The following RLN2 variants were observed in gnomAD, a reference collection of about 807,000 sequenced individuals.
RLN2 encodes prorelaxin H2.
RLN2 carries 10 observed loss-of-function variants against 7.3 expected under a neutral mutation model. That is an observed-to-expected ratio of 1.36 (90% CI 0.84 to 2.31). The LOEUF is 2.31. RLN2 is among the 30% of genes most tolerant of loss of function. RLN2 has a pLI of 0.00. For synonymous variants in RLN2, 103 were observed against 82.3 expected, an observed-to-expected ratio of 1.25 and a Z score of -1.36; for missense variants, 298 against 217.6, an observed-to-expected ratio of 1.37 and a Z score of -2.32.
chr9:5,310,085 T>C, the RLN2 span, among the ~76,000 whole-genome samples: 1 of 151,974 alleles, frequency 6.6e-6, no homozygotes, highest in South Asian at 2.1e-4. Context: ...GGATTGTGGA[T>C]GGGAGAGCAG....
Position 5,300,464 on chromosome 9 carries a change from A to C in RLN2, c.212-20T>G, listed in dbSNP as rs1470502254. On this transcript the variant is annotated intron_variant, in intron 1 of 1. Coordinates refer to ENST00000381627, the MANE Select transcript of RLN2 (RefSeq NM_134441.3). Reference sequence around the variant, plus strand: ...CAATTTCTGTTAAATTTAAAAAAAAAGGTGTATGTGAGGGTATATTCATGT... The same window carrying C: ...CAATTTCTGTTAAATTTAAAAAAAACGGTGTATGTGAGGGTATATTCATGT... The C allele has an allele frequency of 6.5e-7, 1 of 1,538,818 alleles. No homozygotes were observed. The highest frequency in any genetic ancestry group is 8.9e-7 in the Non-Finnish European group (1 of 1,125,916).
chr9:5,310,531 C>G, the RLN2 span, among the ~76,000 whole-genome samples: 1 of 151,988 alleles, frequency 6.6e-6, no homozygotes, highest in East Asian at 1.9e-4. Flanking sequence ...TCAGATCCCC[C>G]AATCGTGCAT....
the RLN2 span, among the ~76,000 whole-genome samples, chr9:5,321,655 A>G: frequency 6.6e-6 from 1 of 151,798 alleles, no homozygotes; most frequent in East Asian, 1.9e-4. Flanking sequence ...GAAAAAGAGG[A>G]AGAAAAAGGA....
upstream of RLN2, among the ~76,000 whole-genome samples, chr9:5,308,261 G>A (rs1314338067): frequency 6.6e-6 from 1 of 151,828 alleles, no homozygotes; most frequent in African/African-American, 2.4e-5. Flanking sequence ...GCAAACTGCT[G>A]GAAATACCTT....
At chr9:5,305,400 CACAGAGAG>C (rs770641304), upstream of RLN2, among the ~76,000 whole-genome samples, 43 of 124,214 alleles carry the variant, frequency 3.5e-4, no homozygotes, top group African/African-American at 1.3e-3. Flanking sequence ...CACACACACA[CACAGAGAG>C]AGAGAGAGAG....
At chr9:5,325,086 A>G in the RLN2 span, among the ~76,000 whole-genome samples, 1 of 152,010 alleles carries the variant, frequency 6.6e-6, no homozygotes, top group South Asian at 2.1e-4. Flanking sequence ...ATAATATAAC[A>G]TTTTTACTTT....
At chr9:5,330,435 G>C in the RLN2 span, among the ~76,000 whole-genome samples, 2 of 151,664 alleles carry the variant, frequency 1.3e-5, no homozygotes, top group African/African-American at 2.4e-5. Context: ...TCAGGAGATC[G>C]AGACCATCCT....
the RLN2 span, among the ~76,000 whole-genome samples, chr9:5,320,538 G>A: frequency 2.0e-5 from 3 of 147,158 alleles, no homozygotes; most frequent in African/African-American, 5.0e-5. Flanking sequence ...ACGCGGCTAC[G>A]TTTTGTGTTT....
chr9:5,302,850 A>T (rs1221319852), intron 1 of RLN2, among the ~76,000 whole-genome samples: 2 of 97,428 alleles, frequency 2.1e-5, no homozygotes, highest in African/African-American at 6.3e-5. Flanking sequence ...GTGAGTGAAA[A>T]TGCAAAAGAT....
the RLN2 span, among the ~76,000 whole-genome samples, chr9:5,332,512 C>T: frequency 1.3e-5 from 2 of 151,774 alleles, no homozygotes; most frequent in African/African-American, 4.8e-5. Flanking sequence ...CAATGTAACA[C>T]ATGGAAGGTG....
At chr9:5,306,371 G>A (rs549552352), upstream of RLN2, among the ~76,000 whole-genome samples, 1 of 152,046 alleles carries the variant, frequency 6.6e-6, no homozygotes, top group South Asian at 2.1e-4. Flanking sequence ...GCCTCCCAAA[G>A]TGTCCAGGGA....
At chr9:5,302,319 C>T (rs1257066376) in intron 1 of RLN2, among the ~76,000 whole-genome samples, 1 of 152,046 alleles carries the variant, frequency 6.6e-6, no homozygotes, top group Non-Finnish European at 1.5e-5. Context: ...CTAAAATAGG[C>T]CTCTTCTGGT....
chr9:5,315,660 T>A, the RLN2 span, among the ~76,000 whole-genome samples: 5 of 151,930 alleles, frequency 3.3e-5, no homozygotes, highest in Non-Finnish European at 7.4e-5. Flanking sequence ...AACTAAACTG[T>A]CAAAAGCCGA....
At position 5,300,088 on chromosome 9, in the gene RLN2, T is replaced by C; in HGVS notation, c.*10A>G. 6.5e-7 allele frequency: 1 copy of C among 1,546,794 alleles called. No homozygotes were observed. Among genetic ancestry groups the C allele is most frequent in the Non-Finnish European group, 8.8e-7 (1 of 1,133,816 alleles). ...GAATATTATACGAGATGTGCACAAT[T>C]AGCTTCATCTCAGCAAAATCTAGCA... On this transcript the variant is annotated 3_prime_UTR_variant, in exon 2 of 2. Transcript: ENST00000381627.
At chr9:5,305,234 A>G (rs1212742835), upstream of RLN2, among the ~76,000 whole-genome samples, 1 of 151,940 alleles carries the variant, frequency 6.6e-6, no homozygotes, top group Non-Finnish European at 1.5e-5. Context: ...TAATGTCTTT[A>G]ATTTACAAAA....
chr9:5,326,872 T>C, the RLN2 span, among the ~76,000 whole-genome samples: 15 of 151,696 alleles, frequency 9.9e-5, no homozygotes, highest in African/African-American at 2.2e-4. Flanking sequence ...CAAGAAAAAA[T>C]TGATAACAGA....
chr9:5,327,316 C>T, the RLN2 span, among the ~76,000 whole-genome samples: 2 of 152,002 alleles, frequency 1.3e-5, no homozygotes, highest in Admixed American at 6.6e-5. Context: ...TGAGATCGAC[C>T]GGCTACGCAG....
At position 5,300,085 on chromosome 9, in the gene RLN2, A is replaced by G. The variant is rs762352063; in HGVS notation, c.*13T>C. 2 of 1,532,314 alleles carry G rather than the reference A, an allele frequency of 1.3e-6. No homozygotes were observed. The highest frequency in any genetic ancestry group is 1.8e-6 in the Non-Finnish European group (2 of 1,121,206). The allele number at this position is 1,532,314 out of a possible 1,614,324, so 94.9% of individuals were successfully genotyped here. A position where few individuals can be genotyped will look rare whatever the true frequency, so the allele number is the denominator to read the frequency against. On this transcript the variant is annotated 3_prime_UTR_variant, in exon 2 of 2. Coordinates refer to ENST00000381627, the MANE Select transcript of RLN2 (RefSeq NM_134441.3). The stretch of plus-strand genomic sequence containing the variant: ...TGTGAATATTATACGAGATGTGCAC[A>G]ATTAGCTTCATCTCAGCAAAATCTA...
chr9:5,301,010 AC>A (rs1266483899), intron 1 of RLN2, among the ~76,000 whole-genome samples: 1 of 152,226 alleles, frequency 6.6e-6, no homozygotes, highest in Non-Finnish European at 1.5e-5. Flanking sequence ...ATGTTCCTTA[AC>A]CATCTATTTA....
Sources: gnomAD v4.1 joint callset for allele counts (sites outside exome capture counted in the v4.1 genomes callset) on GRCh38, gnomAD v4.1.1 for gene constraint, MANE v1.5 for transcripts, NCBI Gene and HGNC (gene_info 2026-07-23, HGNC 2026-07-21) for gene names.